Variants in TRPC4 observed in about 807,000 individuals in gnomAD.
TRPC4 encodes transient receptor potential cation channel subfamily C member 4.
TRPC4 carries 49 observed loss-of-function variants against 99.4 expected under a neutral mutation model. The ratio of observed to expected loss-of-function variants is 0.49; its 90% confidence interval spans 0.39 to 0.63. The LOEUF is 0.63. TRPC4 is among the 20% of genes least tolerant of loss of function. The probability of loss-of-function intolerance (pLI) is 0.00; values close to 1 mark genes in which losing one functional copy is unlikely to be tolerated. For missense variants in TRPC4, 898 were observed against 1,152.9 expected (o/e 0.78, Z 3.20); for synonymous variants, 454 against 425.9 (o/e 1.07, Z -0.81).
At chr13:37,809,499 C>T (rs1245855220) in intron 1 of TRPC4, among the ~76,000 whole-genome samples, 1 of 150,242 alleles carries the variant, frequency 6.7e-6, no homozygotes, top group Non-Finnish European at 1.5e-5. Flanking sequence ...GACTTATAAG[C>T]TATTAAAAAA....
Position 37,637,171 on chromosome 13 carries a change from C to G in TRPC4, c.2666G>C (p.Arg889Pro), listed in dbSNP as rs761582713. 6.2e-7 allele frequency: 1 copy of G among 1,613,710 alleles called. No individual in the cohort carries two copies. The highest frequency in any genetic ancestry group is 8.5e-7 in the Non-Finnish European group (1 of 1,179,866). The change falls in exon 11 of 11, where the codon CGA becomes CCA. Residue 889 changes from arginine to proline, a missense_variant. Arg to Pro is a moderately radical substitution (Grantham distance 103). Transcript: ENST00000379705. The part of the protein sequence containing the change: ...PLERNIQLES[R>P]GLASRGDLSI... ...CAGGTCACCCCGTGAAGCTAATCCT[C>G]GAGATTCCAGTTGAATATTTCTCTC...
At chr13:37,745,456 A>ATATATATATATATGCG (rs1555265702) in intron 3 of TRPC4, among the ~76,000 whole-genome samples, 12 of 3,014 alleles carry the variant, frequency 4.0e-3, no homozygotes, top group African/African-American at 6.3e-3. Flanking sequence ...ATATATATAT[A>ATATATATATATATGCG]TATATATATA....
intron 1 of TRPC4, among the ~76,000 whole-genome samples, chr13:37,827,943 C>T (rs539127753): frequency 1.3e-5 from 2 of 152,202 alleles, no homozygotes; most frequent in Non-Finnish European, 2.9e-5. Flanking sequence ...GCGTAGGACC[C>T]TCCGAGCCAG....
At chr13:37,675,882 C>A (rs1212841282) in intron 4 of TRPC4, among the ~76,000 whole-genome samples, 2 of 152,106 alleles carry the variant, frequency 1.3e-5, no homozygotes, top group Admixed American at 1.3e-4. Context: ...CAATTGACAA[C>A]CACTGGAGGA....
chr13:37,733,384 T>C (rs1955298372), intron 3 of TRPC4, among the ~76,000 whole-genome samples: 1 of 152,120 alleles, frequency 6.6e-6, no homozygotes, highest in Non-Finnish European at 1.5e-5. Flanking sequence ...CACCTCTCAA[T>C]TTGCATTTAT....
At chr13:37,826,990 C>A (rs532307881) in intron 1 of TRPC4, among the ~76,000 whole-genome samples, 1 of 152,086 alleles carries the variant, frequency 6.6e-6, no homozygotes, top group South Asian at 2.1e-4. Context: ...TCTTTTTTCT[C>A]TAAACTTCCC....
intron 8 of TRPC4, among the ~76,000 whole-genome samples, chr13:37,640,026 A>G (rs1161763239): frequency 6.6e-6 from 1 of 151,944 alleles, no homozygotes; most frequent in Non-Finnish European, 1.5e-5. Context: ...GTTGAGTGAA[A>G]TAATAAATGA....
intron 1 of TRPC4, among the ~76,000 whole-genome samples, chr13:37,822,454 T>A (rs1180843561): frequency 1.5e-5 from 2 of 135,870 alleles, no homozygotes; most frequent in African/African-American, 5.6e-5. Flanking sequence ...CACAGTGTGA[T>A]GTTCCCCCTC....
chr13:37,812,510 T>C (rs1458261084), intron 1 of TRPC4, among the ~76,000 whole-genome samples: 2 of 152,048 alleles, frequency 1.3e-5, no homozygotes, highest in African/African-American at 2.4e-5. Context: ...GATCATTGGA[T>C]ATGCTCAATG....
chr13:37,811,124 G>A (rs1198764471), intron 1 of TRPC4, among the ~76,000 whole-genome samples: 1 of 151,978 alleles, frequency 6.6e-6, no homozygotes, highest in Non-Finnish European at 1.5e-5. Context: ...ATTATTAATA[G>A]ATATTTAACT....
In TRPC4 at chr13:37,637,058, C is replaced by T. The variant is rs763771971; in HGVS notation, c.2779G>A (p.Val927Met). 1 of 1,613,806 alleles carries T rather than the reference C, an allele frequency of 6.2e-7. No homozygotes were observed. Among genetic ancestry groups the T allele is most frequent in the Non-Finnish European group, 8.5e-7 (1 of 1,179,810 alleles). The change falls in exon 11 of 11, where the codon GTG becomes ATG. Residue 927 changes from valine to methionine, a missense_variant. Physicochemically the swap from Val to Met is conservative, Grantham distance 21 (BLOSUM62 1). Coordinates refer to ENST00000379705, the MANE Select transcript of TRPC4 (RefSeq NM_016179.4). The part of the protein sequence containing the change: ...DTLGLQVGKR[V>M]CPFKSEKVVV... ...ACCTTCTCTGACTTGAATGGACACA[C>T]TCTCTTTCCTACCTGTAACCCCAGT...
chr13:37,817,799 T>C (rs1002929317), intron 1 of TRPC4, among the ~76,000 whole-genome samples: 1 of 152,046 alleles, frequency 6.6e-6, no homozygotes, highest in Non-Finnish European at 1.5e-5. Context: ...AATGTCCTAT[T>C]TGATAAATGG....
chr13:37,670,278 A>G (rs1163505812), intron 5 of TRPC4, among the ~76,000 whole-genome samples: 3 of 152,244 alleles, frequency 2.0e-5, no homozygotes, highest in African/African-American at 7.2e-5. Flanking sequence ...GCTGGCCCCT[A>G]TGACAGATGT....
At chr13:37,665,840 CAAAAAAA>C (rs1168472231) in intron 5 of TRPC4, among the ~76,000 whole-genome samples, 334 of 71,024 alleles carry the variant, frequency 4.7e-3, no homozygotes, top group African/African-American at 0.012. Context: ...TCAGCTGAGA[CAAAAAAA>C]AAAAAAAAAA....
At chr13:37,690,230 T>C (rs1355245465) in intron 4 of TRPC4, among the ~76,000 whole-genome samples, 1 of 152,240 alleles carries the variant, frequency 6.6e-6, no homozygotes, top group Non-Finnish European at 1.5e-5. Flanking sequence ...ATTTTACCTT[T>C]AATACCAACT....
intron 4 of TRPC4, among the ~76,000 whole-genome samples, chr13:37,684,767 T>C (rs1953402796): frequency 6.6e-6 from 1 of 151,076 alleles, no homozygotes; most frequent in African/African-American, 2.4e-5. Flanking sequence ...AATATATTTA[T>C]TTCTTTCGAT....
At chr13:37,678,584 A>G (rs1953135194) in intron 4 of TRPC4, among the ~76,000 whole-genome samples, 1 of 152,118 alleles carries the variant, frequency 6.6e-6, no homozygotes, top group African/African-American at 2.4e-5. Flanking sequence ...ATAGTCCTAT[A>G]GTTATTAAAG....
chr13:37,799,156 G>A (rs1284433129), intron 1 of TRPC4, among the ~76,000 whole-genome samples: 1 of 151,838 alleles, frequency 6.6e-6, no homozygotes, highest in African/African-American at 2.4e-5. Flanking sequence ...GGTTGGTCTC[G>A]ATCTCCTGAC....
chr13:37,707,316 T>A (rs998199899), intron 3 of TRPC4, among the ~76,000 whole-genome samples: 1 of 152,168 alleles, frequency 6.6e-6, no homozygotes, highest in Non-Finnish European at 1.5e-5. Context: ...AAGCAACTTG[T>A]ATGTTTTGAG....
Sources: allele counts gnomAD v4.1 joint callset (sites outside exome capture counted in the v4.1 genomes callset), GRCh38; gene constraint gnomAD v4.1.1; transcripts MANE v1.5; gene names NCBI Gene and HGNC (gene_info 2026-07-23, HGNC 2026-07-21).